The following TMEM132D variants were observed in gnomAD, a reference collection of about 807,000 sequenced individuals.
TMEM132D encodes the protein transmembrane protein 132D, also known as mature OL transmembrane protein.
Under a neutral mutation model 62.3 loss-of-function variants are expected in TMEM132D, and 21 were observed. The ratio of observed to expected loss-of-function variants is 0.34; its 90% CI spans 0.24 to 0.49. TMEM132D has a LOEUF of 0.49. TMEM132D is among the 20% of genes least tolerant of loss of function. The pLI, the probability that TMEM132D is intolerant of heterozygous loss-of-function variation, is 0.99. For synonymous variants in TMEM132D, 621 were observed against 575.6 expected (o/e 1.08, Z -1.13); for missense variants, 1,346 against 1,402.8 (o/e 0.96, Z 0.65).
At chr12:129,082,506 C>A (rs1353075900) in intron 6 of TMEM132D, among the ~76,000 whole-genome samples, 1 of 152,106 alleles carries the variant, frequency 6.6e-6, no homozygotes, top group Non-Finnish European at 1.5e-5. Flanking sequence ...AGATTTCCAC[C>A]CAGCTAGAAG....
intron 1 of TMEM132D, among the ~76,000 whole-genome samples, chr12:129,719,517 G>A (rs1868733361): frequency 6.6e-6 from 1 of 152,228 alleles, no homozygotes; most frequent in Non-Finnish European, 1.5e-5. Context: ...AGTGACAGAT[G>A]CAGGGAAACC....
chr12:129,423,657 G>T (rs552699093), intron 3 of TMEM132D, among the ~76,000 whole-genome samples: 1 of 152,104 alleles, frequency 6.6e-6, no homozygotes, highest in Non-Finnish European at 1.5e-5. Flanking sequence ...AAAGGGAAGC[G>T]CTTGTACTCA....
chr12:129,903,105 G>C lies in TMEM132D; in HGVS notation c.79+156C>G, dbSNP rs1443756099. Among the ~76,000 whole-genome samples the C allele has an allele frequency of 6.6e-6, 1 of 152,188 alleles. No homozygotes were observed. The highest frequency in any genetic ancestry group is 1.5e-5 in the Non-Finnish European group (1 of 68,024). On this transcript the variant is annotated intron_variant, in intron 1 of 8. Coordinates refer to ENST00000422113, the MANE Select transcript of TMEM132D (RefSeq NM_133448.3). The surrounding 1 kb of genome is among the most constrained non-coding windows in gnomAD (Gnocchi z 6.2). ...CGAGGAGCTTGGCTGCCGCACGAGC[G>C]CACGTTCACACGCGCGCACACACAC...
chr12:129,309,531 A>G (rs1013639501), intron 4 of TMEM132D, among the ~76,000 whole-genome samples: 1 of 152,168 alleles, frequency 6.6e-6, no homozygotes, highest in African/African-American at 2.4e-5. Flanking sequence ...TTGCTTTTAA[A>G]GATCCTATGT....
At chr12:129,821,526 G>GAAGCC (rs1872541514) in intron 1 of TMEM132D, among the ~76,000 whole-genome samples, 3 of 152,200 alleles carry the variant, frequency 2.0e-5, no homozygotes, top group African/African-American at 7.2e-5. Context: ...GCCTGGAAAG[G>GAAGCC]AAGCCACGTA....
intron 3 of TMEM132D, among the ~76,000 whole-genome samples, chr12:129,485,581 C>T (rs1288799272): frequency 6.6e-6 from 1 of 152,202 alleles, no homozygotes; most frequent in Non-Finnish European, 1.5e-5. Flanking sequence ...GAGGATGAGG[C>T]AGGCTGCCAG....
intron 2 of TMEM132D, among the ~76,000 whole-genome samples, chr12:129,581,932 G>A (rs574050864): frequency 1.9e-4 from 29 of 152,256 alleles, no homozygotes; most frequent in Non-Finnish European, 3.5e-4. Flanking sequence ...AACAGACTTC[G>A]TTTGAACATG....
At chr12:129,332,200 C>G (rs566470773) in intron 4 of TMEM132D, among the ~76,000 whole-genome samples, 1 of 152,136 alleles carries the variant, frequency 6.6e-6, no homozygotes, top group South Asian at 2.1e-4. Context: ...TCCCTAAAAA[C>G]AAAACCATAT....
At chr12:129,221,748 C>T (rs1879350981) in intron 4 of TMEM132D, among the ~76,000 whole-genome samples, 1 of 152,104 alleles carries the variant, frequency 6.6e-6, no homozygotes, top group Non-Finnish European at 1.5e-5. Flanking sequence ...AACCAATCAC[C>T]CTGTCCTTGT....
chr12:129,087,111 T>C (rs1279503383), intron 5 of TMEM132D, among the ~76,000 whole-genome samples: 2 of 152,188 alleles, frequency 1.3e-5, no homozygotes, highest in African/African-American at 4.8e-5. Context: ...TGAAACTTTC[T>C]ATCTTTGACC....
At chr12:129,223,641 T>C (rs1593301737) in intron 4 of TMEM132D, among the ~76,000 whole-genome samples, 1 of 152,218 alleles carries the variant, frequency 6.6e-6, no homozygotes, top group Non-Finnish European at 1.5e-5. Context: ...AATAGATAAC[T>C]GATAACCCCC....
At chr12:129,760,756 T>G (rs937202231) in intron 1 of TMEM132D, among the ~76,000 whole-genome samples, 2 of 151,840 alleles carry the variant, frequency 1.3e-5, no homozygotes, top group African/African-American at 2.4e-5. Flanking sequence ...CAACCCCTCC[T>G]CTAGGTTTTA....
intron 1 of TMEM132D, among the ~76,000 whole-genome samples, chr12:129,889,352 T>C (rs1469197686): frequency 2.6e-5 from 4 of 152,172 alleles, no homozygotes; most frequent in Non-Finnish European, 5.9e-5. Context: ...GCAGAAGTAA[T>C]AGAGCCCACA....
intron 5 of TMEM132D, among the ~76,000 whole-genome samples, chr12:129,148,807 AG>A (rs1294980538): frequency 5.9e-5 from 9 of 152,096 alleles, no homozygotes; most frequent in Non-Finnish European, 1.2e-4. Flanking sequence ...CTGGCAGGCC[AG>A]GGGACACCCC....
chr12:129,408,145 A>G (rs1441156518), intron 3 of TMEM132D, among the ~76,000 whole-genome samples: 2 of 152,162 alleles, frequency 1.3e-5, no homozygotes, highest in East Asian at 3.9e-4. Flanking sequence ...TTAGCCTTTA[A>G]CACACATCCA....
At chr12:129,394,461 C>G (rs1016927849) in intron 3 of TMEM132D, among the ~76,000 whole-genome samples, 38 of 152,220 alleles carry the variant, frequency 2.5e-4, no homozygotes, top group African/African-American at 9.2e-4. Flanking sequence ...TCACTGATCT[C>G]TACTAAGGAA....
intron 3 of TMEM132D, among the ~76,000 whole-genome samples, chr12:129,460,134 C>T (rs1873612130): frequency 6.6e-6 from 1 of 152,114 alleles, no homozygotes; most frequent in African/African-American, 2.4e-5. Flanking sequence ...CAAGACTGAC[C>T]CATGAAATCA....
intron 2 of TMEM132D, among the ~76,000 whole-genome samples, chr12:129,661,621 G>A (rs998562480): frequency 5.9e-5 from 9 of 152,148 alleles, no homozygotes; most frequent in South Asian, 4.1e-4. Flanking sequence ...AGGTTACAGC[G>A]CAGCTACACT....
intron 5 of TMEM132D, among the ~76,000 whole-genome samples, chr12:129,199,904 T>G (rs1878653995): frequency 6.6e-6 from 1 of 152,118 alleles, no homozygotes; most frequent in South Asian, 2.1e-4. Context: ...AAGATAAGAT[T>G]TGGGTGGGGA....
Sources: allele counts gnomAD v4.1 joint callset (sites outside exome capture counted in the v4.1 genomes callset), GRCh38; gene constraint gnomAD v4.1.1; non-coding constraint Gnocchi (gnomAD v3.1); transcripts MANE v1.5; gene names NCBI Gene and HGNC (gene_info 2026-07-23, HGNC 2026-07-21).